Variants in MAGI2 observed in about 807,000 individuals in gnomAD.
MAGI2 encodes membrane associated guanylate kinase, WW and PDZ domain containing 2, also known as membrane-associated guanylate kinase, WW and PDZ domain-containing protein 2.
Under a neutral mutation model 133.3 loss-of-function variants are expected in MAGI2, and 35 were observed. The ratio of observed to expected loss-of-function variants is 0.26; its 90% confidence interval spans 0.20 to 0.35. MAGI2 has a LOEUF of 0.35. Ranked by LOEUF, MAGI2 falls within the 10% of genes least tolerant of loss-of-function variation. The pLI is 1.00. For missense variants in MAGI2, 1,636 were observed against 1,863.4 expected, an observed-to-expected ratio of 0.88 and a Z score of 2.25; for synonymous variants, 729 against 710.6, an observed-to-expected ratio of 1.03 and a Z score of -0.41.
intron 2 of MAGI2, among the ~76,000 whole-genome samples, chr7:78,914,449 A>G (rs1798634743): frequency 6.6e-6 from 1 of 152,180 alleles, no homozygotes; most frequent in Non-Finnish European, 1.5e-5. Flanking sequence ...TTTCATTTCA[A>G]ATATATATTT....
At chr7:78,839,658 C>A (rs1584102280) in intron 2 of MAGI2, among the ~76,000 whole-genome samples, 1 of 152,054 alleles carries the variant, frequency 6.6e-6, no homozygotes, top group African/African-American at 2.4e-5. Flanking sequence ...CCAAAACCAT[C>A]AGATCTCGTG....
Position 78,823,281 on chromosome 7 carries a change from A to G in MAGI2, c.418+183809T>C, listed in dbSNP as rs550103871. 1.3e-4 allele frequency among the ~76,000 whole-genome samples: 20 copies of G among 152,212 alleles called. 1 individual carries two copies. The East Asian group carries it at 3.9e-3, about 29-fold the overall frequency. On this transcript the variant is annotated intron_variant, in intron 2 of 21. Coordinates refer to ENST00000354212, the MANE Select transcript of MAGI2 (RefSeq NM_012301.4). ...TGTGGGTTGATAGTCTAAAAAAATC[A>G]GTTTGAAATACGACACTGTCGGCCG... is the stretch of plus-strand genomic sequence containing the variant.
At chr7:78,155,321 A>T (rs1393331015) in intron 16 of MAGI2, among the ~76,000 whole-genome samples, 2 of 152,158 alleles carry the variant, frequency 1.3e-5, no homozygotes, top group African/African-American at 2.4e-5. Flanking sequence ...GGAAGTCAAG[A>T]AGGATAATCT....
intron 2 of MAGI2, among the ~76,000 whole-genome samples, chr7:78,751,427 G>C (rs1435510064): frequency 6.6e-6 from 1 of 152,200 alleles, no homozygotes; most frequent in Non-Finnish European, 1.5e-5. Flanking sequence ...CTCAGCAAAA[G>C]GACGACAGAA....
intron 2 of MAGI2, among the ~76,000 whole-genome samples, chr7:78,767,405 TAGAA>T (rs940697454): frequency 1.2e-4 from 19 of 152,226 alleles, no homozygotes; most frequent in East Asian, 1.9e-4. Context: ...GCTGAGATCT[TAGAA>T]AGAGTGCCAC....
chr7:79,179,457 C>A (rs902031590), intron 1 of MAGI2, among the ~76,000 whole-genome samples: 12 of 151,704 alleles, frequency 7.9e-5, no homozygotes, highest in African/African-American at 2.7e-4. Context: ...AGAAAGAATC[C>A]AAAATGACAA....
chr7:78,288,107 G>C (rs557903232), intron 9 of MAGI2, among the ~76,000 whole-genome samples: 1 of 152,118 alleles, frequency 6.6e-6, no homozygotes, highest in Non-Finnish European at 1.5e-5. Flanking sequence ...TATTTCAAAC[G>C]CATGAGATCA....
chr7:78,038,369 A>G (rs1810452449), intron 21 of MAGI2, among the ~76,000 whole-genome samples: 1 of 151,602 alleles, frequency 6.6e-6, no homozygotes, highest in African/African-American at 2.4e-5. Context: ...CTGCACCTGT[A>G]ATGTATTCAT....
intron 9 of MAGI2, among the ~76,000 whole-genome samples, chr7:78,270,607 G>A (rs1032559808): frequency 6.6e-6 from 1 of 152,102 alleles, no homozygotes; most frequent in Non-Finnish European, 1.5e-5. Flanking sequence ...TTTGCACATT[G>A]ATTTTGTATC....
intron 9 of MAGI2, among the ~76,000 whole-genome samples, chr7:78,285,158 G>A (rs1174077629): frequency 1.3e-5 from 2 of 152,026 alleles, no homozygotes; most frequent in African/African-American, 4.8e-5. Context: ...CAGATGCTTA[G>A]CAAAACTTGC....
At chr7:78,923,700 C>G (rs1456136057) in intron 2 of MAGI2, among the ~76,000 whole-genome samples, 1 of 152,048 alleles carries the variant, frequency 6.6e-6, no homozygotes, top group African/African-American at 2.4e-5. Flanking sequence ...TCCATGTGAA[C>G]TTTAAAGTAG....
intron 2 of MAGI2, among the ~76,000 whole-genome samples, chr7:78,797,136 A>G (rs1179116145): frequency 6.6e-6 from 1 of 152,178 alleles, no homozygotes; most frequent in East Asian, 1.9e-4. Context: ...GAAGAATTGT[A>G]ATGTTCCCAA....
At chr7:78,037,779 G>C (rs916480739) in intron 21 of MAGI2, among the ~76,000 whole-genome samples, 5 of 152,190 alleles carry the variant, frequency 3.3e-5, no homozygotes. Flanking sequence ...CCCCAGGGAG[G>C]GGGAGCCAAA....
chr7:78,681,541 G>A (rs1815658271), intron 2 of MAGI2, among the ~76,000 whole-genome samples: 1 of 152,050 alleles, frequency 6.6e-6, no homozygotes, highest in African/African-American at 2.4e-5. Flanking sequence ...CCCCAGATTA[G>A]AACCAATAGA....
intron 6 of MAGI2, among the ~76,000 whole-genome samples, chr7:78,404,563 TG>T (rs542152096): frequency 6.6e-6 from 1 of 152,074 alleles, no homozygotes; most frequent in Non-Finnish European, 1.5e-5. Context: ...AAAGAAGAAA[TG>T]GGGAAAGGAT....
Position 78,809,186 on chromosome 7 carries a change from G to A in MAGI2, c.419-181947C>T, listed in dbSNP as rs568568532. Reference sequence around the variant, plus strand: ...GTCACATCACTGACTCCAGTTAGTCGTGAACTCTTTAGGATGATACAGTTC... The same window carrying A: ...GTCACATCACTGACTCCAGTTAGTCATGAACTCTTTAGGATGATACAGTTC... On this transcript the variant is annotated intron_variant, in intron 2 of 21. Transcript: ENST00000354212. Among the ~76,000 whole-genome samples the A allele has an allele frequency of 9.9e-5, 15 of 152,268 alleles. No homozygotes were observed. The South Asian group carries it at 2.3e-3, about 23-fold the overall frequency.
At chr7:78,799,511 C>A (rs1379648068) in intron 2 of MAGI2, among the ~76,000 whole-genome samples, 1 of 152,108 alleles carries the variant, frequency 6.6e-6, no homozygotes, top group African/African-American at 2.4e-5. Flanking sequence ...CTATTTCCTC[C>A]TTTCTAAGGA....
At chr7:79,051,858 T>C (rs1195316651) in intron 1 of MAGI2, among the ~76,000 whole-genome samples, 1 of 152,158 alleles carries the variant, frequency 6.6e-6, no homozygotes, top group Non-Finnish European at 1.5e-5. Context: ...ATTTGTTAAT[T>C]TTGACATTGT....
intron 2 of MAGI2, among the ~76,000 whole-genome samples, chr7:78,756,132 G>T (rs1823922138): frequency 6.6e-6 from 1 of 152,128 alleles, no homozygotes; most frequent in Non-Finnish European, 1.5e-5. Context: ...ATCAGGTGGT[G>T]CTTGCCAGAT....
Sources: gnomAD v4.1 joint callset for allele counts (sites outside exome capture counted in the v4.1 genomes callset) on GRCh38, gnomAD v4.1.1 for gene constraint, MANE v1.5 for transcripts, NCBI Gene and HGNC (gene_info 2026-07-23, HGNC 2026-07-21) for gene names.